The following PDGFA variants were observed in gnomAD, a reference collection of about 807,000 sequenced individuals.
The protein encoded by PDGFA is platelet-derived growth factor subunit A.
PDGFA carries 9 observed loss-of-function variants against 25.6 expected under a neutral mutation model. That is an observed-to-expected ratio of 0.35 (90% CI 0.21 to 0.61). The LOEUF is 0.61. Ranked by LOEUF, PDGFA falls within the 20% of genes least tolerant of loss-of-function variation. PDGFA has a pLI of 0.75. For synonymous variants in PDGFA, 133 were observed against 111.8 expected (o/e 1.19, Z -1.20); for missense variants, 242 against 272.8 (o/e 0.89, Z 0.79).
At chr7:514,979 G>T (rs902573800) in intron 2 of PDGFA, among the ~76,000 whole-genome samples, 3 of 152,134 alleles carry the variant, frequency 2.0e-5, no homozygotes, top group Admixed American at 2.0e-4. Flanking sequence ...GACCCCAGAC[G>T]GTGCCTGGCT....
chr7:514,525 G>C (rs957877492), intron 2 of PDGFA, among the ~76,000 whole-genome samples: 1 of 152,182 alleles, frequency 6.6e-6, no homozygotes, highest in African/African-American at 2.4e-5. Context: ...CCAGGCCCAG[G>C]TGGCCTGGCC....
rs1189202740 is a variant in PDGFA at position 518,189 on chromosome 7, G to T, written c.64-699C>A. Among the ~76,000 whole-genome samples, 3 of 152,210 alleles carry T rather than the reference G, an allele frequency of 2.0e-5. No individual in the cohort carries two copies. The East Asian group carries it at 5.8e-4, about 29-fold the overall frequency. On this transcript the variant is annotated intron_variant, in intron 1 of 5. Coordinates refer to ENST00000402802, the Ensembl canonical transcript of PDGFA. ...CTCGCGCAGCTCTCCGTGCCCTGCGGAGACCACCCTCACCTCTGGCCTCCC... is the reference window on the plus strand; with the variant it reads ...CTCGCGCAGCTCTCCGTGCCCTGCGTAGACCACCCTCACCTCTGGCCTCCC...
rs375542585 is a variant in PDGFA, at chr7:501,099, C to T, written c.580+17G>A. The T allele has an allele frequency of 1.6e-3, 2,541 of 1,614,170 alleles. 3 individuals are homozygous for T. The highest frequency in any genetic ancestry group is 2.0e-3 in the Non-Finnish European group (2,348 of 1,180,050). ...ACCTGTTCTCCAACACCGATGCCGA[C>T]GAAGGCAGCCACTCACCCGTGTCCT... On this transcript the variant is annotated intron_variant, in intron 5 of 5. Coordinates refer to ENST00000402802, the Ensembl canonical transcript of PDGFA.
chr7:500,338 C>T lies in PDGFA; in HGVS notation c.580+778G>A, dbSNP rs760661561. 1.1e-5 allele frequency: 15 copies of T among 1,408,092 alleles called. 1 individual carries two copies. In the Admixed American group the frequency reaches 2.7e-4, roughly 25 times the overall value. 87.2% of individuals were successfully genotyped at this position (1,408,092 alleles called of 1,614,324 possible). A position where few individuals can be genotyped will look rare whatever the true frequency, so the allele number is the denominator to read the frequency against. ...CAATCAGGGCCACATCCCCGCCGCA[C>T]CCGGCGAGACAGGAAGCGTGATTTG... is the stretch of plus-strand genomic sequence containing the variant. On this transcript the variant is annotated intron_variant, in intron 5 of 5. Coordinates refer to ENST00000402802, the Ensembl canonical transcript of PDGFA. The surrounding 1 kb of genome is among the most constrained non-coding windows in gnomAD (Gnocchi z 5.0).
At chr7:515,782 C>T (rs989744157) in intron 2 of PDGFA, among the ~76,000 whole-genome samples, 5 of 152,036 alleles carry the variant, frequency 3.3e-5, no homozygotes, top group African/African-American at 4.8e-5. Flanking sequence ...TCTGTTCGGA[C>T]CCTACGACCT....
intron 1 of PDGFA, among the ~76,000 whole-genome samples, chr7:518,019 A>C (rs1215056208): frequency 6.6e-6 from 1 of 151,784 alleles, no homozygotes; most frequent in Admixed American, 6.5e-5. Context: ...GCGCAGACAC[A>C]CACACGCGCA....
In PDGFA at chr7:501,164, C is replaced by T. The variant is rs145010817; in HGVS notation, c.532G>A (p.Ala178Thr). 156 of 1,614,098 alleles carry T rather than the reference C, an allele frequency of 9.7e-5. No homozygotes were observed. The highest frequency in any genetic ancestry group is 1.2e-4 in the Non-Finnish European group (139 of 1,180,058). Residue 178 changes from alanine to threonine, a missense_variant, in exon 5 of 6, where the codon GCC (alanine) becomes ACC (threonine). Ala to Thr is a moderately conservative substitution (Grantham distance 58). Around this residue, in one of 5 missense-constraint regions of PDGFA, gnomAD observed 10 missense variants for 33.3 expected, o/e 0.30. Transcript: ENST00000402802. ...GGATTCAGGCTTGTGGTCGCGCAGG[C>T]GCACTCCAAATGCTCCTCTAACCTC... is the stretch of plus-strand genomic sequence containing the variant.
At chr7:502,311 G>A (rs1258236942) in intron 4 of PDGFA, among the ~76,000 whole-genome samples, 6 of 152,102 alleles carry the variant, frequency 3.9e-5, no homozygotes, top group East Asian at 1.9e-4. Flanking sequence ...GGACTTGAGC[G>A]TCCAGATGAT....
chr7:498,439 C>T (rs1782191862), exon 6 of PDGFA: 4 of 899,920 alleles, frequency 4.4e-6, no homozygotes, highest in Non-Finnish European at 7.2e-6. Flanking sequence ...CGAGTGTTCT[C>T]GGACACAGTT....
exon 6 of PDGFA, chr7:498,430 GAGTGTTCTCGGACAC>G: frequency 1.2e-6 from 1 of 805,912 alleles, no homozygotes; most frequent in African/African-American, 1.7e-5. Context: ...TTGTTCTCCC[GAGTGTTCTCGGACAC>G]AGTTTTTCAC....
At chr7:511,781 G>T (rs573559816) in intron 3 of PDGFA, among the ~76,000 whole-genome samples, 106 of 152,276 alleles carry the variant, frequency 7.0e-4, no homozygotes, top group African/African-American at 2.5e-3. Flanking sequence ...CTCCTCAGGG[G>T]GCTGGAGGGC....
At position 517,071 on chromosome 7, in the gene PDGFA, C is replaced by A. The variant is rs1305879792; in HGVS notation, c.160+323G>T. ...CTGCGCCCAGGGTCTGGGCCGGATC[C>A]TGCCGCTCCCCCGGCCCGAGGGCAG... On this transcript the variant is annotated intron_variant, in intron 2 of 5. Coordinates refer to ENST00000402802, the Ensembl canonical transcript of PDGFA. The surrounding 1 kb of genome is among the most constrained non-coding windows in gnomAD (Gnocchi z 7.4). Among the ~76,000 whole-genome samples the A allele has an allele frequency of 6.6e-6, 1 of 151,420 alleles. No individual in the cohort carries two copies. Among genetic ancestry groups the A allele is most frequent in the South Asian group, 2.1e-4 (1 of 4,832 alleles).
intron 4 of PDGFA, among the ~76,000 whole-genome samples, chr7:502,987 G>A (rs1011488632): frequency 7.2e-5 from 11 of 152,028 alleles, no homozygotes; most frequent in South Asian, 2.1e-4. Context: ...GTGCAAGCAC[G>A]CACACGCCTG....
Position 500,840 on chromosome 7 carries a change from G to C in PDGFA, c.580+276C>G. 1 of 1,502,332 alleles carries C rather than the reference G, an allele frequency of 6.7e-7. No individual in the cohort carries two copies. Among genetic ancestry groups the C allele is most frequent in the Non-Finnish European group, 8.9e-7 (1 of 1,125,978 alleles). The allele number at this position is 1,502,332 out of a possible 1,614,324, so 93.1% of individuals were successfully genotyped here. The stretch of plus-strand genomic sequence containing the variant: ...AGCCCCGCAGCCCACTAATGAATTG[G>C]GTGTCTTATGCACTCCCAGCCCCTC... On this transcript the variant is annotated intron_variant, in intron 5 of 5. Coordinates refer to ENST00000402802, the Ensembl canonical transcript of PDGFA. This position sits in a 1 kb window ranked among gnomAD's most constrained non-coding sequence, Gnocchi z 5.0.
chr7:505,130 A>C (rs143491436), intron 4 of PDGFA, among the ~76,000 whole-genome samples: 314 of 152,366 alleles, frequency 2.1e-3, no homozygotes, highest in Admixed American at 4.3e-3. Context: ...CACAAAATGA[A>C]TATTGGATTC....
At chr7:498,031 C>T (rs1264073232) in exon 6 of PDGFA, 2 of 137,570 alleles carry the variant, frequency 1.5e-5, no homozygotes, top group African/African-American at 5.2e-5. Context: ...TCTGTATGGG[C>T]TTAAATACTA....
At chr7:503,232 C>T (rs919989728) in intron 4 of PDGFA, among the ~76,000 whole-genome samples, 1 of 152,224 alleles carries the variant, frequency 6.6e-6, no homozygotes, top group Non-Finnish European at 1.5e-5. Flanking sequence ...CCACCACCTT[C>T]CTGCCCTCCC....
intron 4 of PDGFA, among the ~76,000 whole-genome samples, chr7:506,295 A>G (rs916708936): frequency 3.3e-5 from 5 of 152,060 alleles, no homozygotes; most frequent in African/African-American, 1.2e-4. Context: ...AAGAAAAAAA[A>G]AGAAGATCCT....
Position 516,087 on chromosome 7 carries a change from A to G in PDGFA, c.160+1307T>C, listed in dbSNP as rs547348957. ...AACCCATCCAGGACCAGCGAGATTC[A>G]GGCAAGGGATTCCCCCCCACAAACC... On this transcript the variant is annotated intron_variant, in intron 2 of 5. Coordinates refer to ENST00000402802, the Ensembl canonical transcript of PDGFA. 4.8e-5 allele frequency among the ~76,000 whole-genome samples: 6 copies of G among 124,122 alleles called. No homozygotes were observed. In the South Asian group the frequency reaches 1.7e-3, roughly 35 times the overall value. The allele number at this position is 124,122 out of a possible 152,430, so 81.4% of individuals were successfully genotyped here.
Sources: allele counts gnomAD v4.1 joint callset (sites outside exome capture counted in the v4.1 genomes callset), GRCh38; gene constraint gnomAD v4.1.1; regional missense constraint gnomAD v4.1.1; non-coding constraint Gnocchi (gnomAD v3.1); transcripts MANE v1.5; gene names NCBI Gene and HGNC (gene_info 2026-07-23, HGNC 2026-07-21).